Variants in ITFG1 observed in about 807,000 individuals in gnomAD.
The protein encoded by ITFG1 is T-cell immunomodulatory protein.
Under a neutral mutation model 81.8 loss-of-function variants are expected in ITFG1, and 34 were observed. The ratio of observed to expected loss-of-function variants is 0.42; its 90% confidence interval spans 0.32 to 0.55. The LOEUF is 0.55. Among genes scored for constraint, ITFG1 ranks in the 20% least tolerant of loss-of-function variants. The pLI is 0.17. For missense variants in ITFG1, 672 were observed against 755.4 expected (o/e 0.89, Z 1.29); for synonymous variants, 285 against 270.6 (o/e 1.05, Z -0.52).
chr16:47,285,826 G>A (rs1016464905), intron 10 of ITFG1, among the ~76,000 whole-genome samples: 1 of 152,160 alleles, frequency 6.6e-6, no homozygotes, highest in South Asian at 2.1e-4. Flanking sequence ...GTAAACACGC[G>A]TTATAATAAT....
intron 14 of ITFG1, among the ~76,000 whole-genome samples, chr16:47,209,880 T>C (rs765402157): frequency 3.3e-5 from 5 of 152,164 alleles, no homozygotes; most frequent in Admixed American, 2.6e-4. Flanking sequence ...CTGTGAAAAA[T>C]AGTTTGTTCC....
intron 10 of ITFG1, chr16:47,263,408 G>T: frequency 2.1e-6 from 1 of 468,334 alleles, no homozygotes; most frequent in South Asian, 1.7e-5. Flanking sequence ...AGGAGGTGCT[G>T]CTAACCTCTA....
intron 8 of ITFG1, 38 bp downstream of exon 8, chr16:47,365,749 AG>A (rs760002354): frequency 8.5e-7 from 1 of 1,177,420 alleles, no homozygotes; most frequent in South Asian, 1.3e-5. Context: ...AGAATTGGAA[AG>A]GCAAAAGCCT....
chr16:47,223,647 G>T (rs1445155932), intron 13 of ITFG1, among the ~76,000 whole-genome samples: 3 of 152,188 alleles, frequency 2.0e-5, no homozygotes, highest in Non-Finnish European at 2.9e-5. Flanking sequence ...CATTGTGGAA[G>T]TCAGTGTGGC....
chr16:47,337,509 G>A (rs1217637961), intron 8 of ITFG1, among the ~76,000 whole-genome samples: 2 of 152,174 alleles, frequency 1.3e-5, no homozygotes, highest in Non-Finnish European at 2.9e-5. Flanking sequence ...GGTGGAGGTT[G>A]CAGTGAGCCA....
At chr16:47,338,402 CCTT>C (rs1399285901) in intron 8 of ITFG1, among the ~76,000 whole-genome samples, 3 of 152,026 alleles carry the variant, frequency 2.0e-5, no homozygotes, top group Non-Finnish European at 4.4e-5. Context: ...GAGCAAAACT[CCTT>C]CTCAAAACCA....
chr16:47,365,599 T>C (rs140502191), intron 8 of ITFG1, 189 bp downstream of exon 8: 3 of 470,844 alleles, frequency 6.4e-6, no homozygotes, highest in African/African-American at 5.8e-5. Context: ...CATAAATTTC[T>C]CCTTATTTCA....
intron 6 of ITFG1, among the ~76,000 whole-genome samples, chr16:47,391,651 G>A (rs548098196): frequency 6.6e-6 from 1 of 152,218 alleles, no homozygotes; most frequent in African/African-American, 2.4e-5. Context: ...ATTCTGTTAT[G>A]CTTATGTGAC....
chr16:47,197,277 G>A (rs1965369315), intron 14 of ITFG1, among the ~76,000 whole-genome samples: 1 of 152,110 alleles, frequency 6.6e-6, no homozygotes, highest in African/African-American at 2.4e-5. Flanking sequence ...TCGGAAACCT[G>A]CTACCTAGAG....
At chr16:47,286,409 G>GT (rs1330572698) in intron 10 of ITFG1, among the ~76,000 whole-genome samples, 2 of 152,158 alleles carry the variant, frequency 1.3e-5, no homozygotes, top group African/African-American at 4.8e-5. Flanking sequence ...GGAGGCCGAG[G>GT]TGGGTGGATC....
chr16:47,357,196 C>A (rs1968050852), intron 8 of ITFG1, among the ~76,000 whole-genome samples: 1 of 152,042 alleles, frequency 6.6e-6, no homozygotes, highest in African/African-American at 2.4e-5. Context: ...AACATACCAT[C>A]TATTAAATTA....
chr16:47,368,437 C>G (rs969571374), intron 7 of ITFG1, among the ~76,000 whole-genome samples: 1 of 150,456 alleles, frequency 6.6e-6, no homozygotes, highest in Non-Finnish European at 1.5e-5. Flanking sequence ...CACCTGTAAT[C>G]CCAGCTACTA....
intron 1 of ITFG1, among the ~76,000 whole-genome samples, chr16:47,459,816 A>G (rs1217464735): frequency 6.6e-6 from 1 of 152,218 alleles, no homozygotes; most frequent in Non-Finnish European, 1.5e-5. Flanking sequence ...CACAGCAGCA[A>G]CAGGTTTGGC....
At chr16:47,206,083 C>G (rs1306899984) in intron 14 of ITFG1, among the ~76,000 whole-genome samples, 1 of 152,210 alleles carries the variant, frequency 6.6e-6, no homozygotes, top group African/African-American at 2.4e-5. Flanking sequence ...TCTGGCTAGT[C>G]TCAAACTCCT....
chr16:47,179,118 C>T (rs1036567522), intron 14 of ITFG1, among the ~76,000 whole-genome samples: 1 of 152,138 alleles, frequency 6.6e-6, no homozygotes, highest in Admixed American at 6.5e-5. Context: ...AACACTTTTA[C>T]ACTGTTGGTG....
At chr16:47,405,195 G>GTTCTCCACTTTGGAACTC (rs1263970485) in intron 6 of ITFG1, among the ~76,000 whole-genome samples, 1 of 152,042 alleles carries the variant, frequency 6.6e-6, no homozygotes, top group East Asian at 1.9e-4. Context: ...TGTATGTAGA[G>GTTCTCCACTTTGGAACTC]AATACACATA....
At chr16:47,371,983 G>A (rs1020193795) in intron 7 of ITFG1, among the ~76,000 whole-genome samples, 17 of 149,678 alleles carry the variant, frequency 1.1e-4, no homozygotes, top group Non-Finnish European at 3.0e-5. Flanking sequence ...GTGCGATCTC[G>A]GCTCACTGCA....
At chr16:47,262,179 T>C (rs1181375180) in intron 10 of ITFG1, among the ~76,000 whole-genome samples, 1 of 152,100 alleles carries the variant, frequency 6.6e-6, no homozygotes, top group East Asian at 1.9e-4. Flanking sequence ...AGATGAAAAA[T>C]TCCAAAACAA....
rs1044036238 is a variant in ITFG1 at position 47,154,741 on chromosome 16, T to G, written c.*978A>C. 5 of 152,236 alleles carry G rather than the reference T, an allele frequency of 3.3e-5. No homozygotes were observed. The highest frequency in any genetic ancestry group is 7.3e-5 in the Non-Finnish European group (5 of 68,046). The allele number at this position is 152,236 out of a possible 1,614,324, so 9.4% of individuals were successfully genotyped here. A position where few individuals can be genotyped will look rare whatever the true frequency, so the allele number is the denominator to read the frequency against. ...ATTCCCAGATGCTGCCTACAGCAGT[T>G]TCCTTTCAAGAAATCAAATGTTCTT... is the stretch of plus-strand genomic sequence containing the variant. On this transcript the variant is annotated 3_prime_UTR_variant, in exon 18 of 18. Coordinates refer to ENST00000320640, the MANE Select transcript of ITFG1 (RefSeq NM_030790.5).
Sources: gnomAD v4.1 joint callset for allele counts (sites outside exome capture counted in the v4.1 genomes callset) on GRCh38, gnomAD v4.1.1 for gene constraint, MANE v1.5 for transcripts, NCBI Gene and HGNC (gene_info 2026-07-23, HGNC 2026-07-21) for gene names.